The following THADA variants were observed in gnomAD, a reference collection of about 807,000 sequenced individuals.
THADA encodes the protein tRNA (32-2'-O)-methyltransferase regulator THADA.
Under a neutral mutation model 219.8 loss-of-function variants are expected in THADA, and 213 were observed. That is an observed-to-expected ratio of 0.97 (90% CI 0.87 to 1.09). THADA has a LOEUF of 1.09. Ranked by LOEUF, THADA falls within the 50% of genes least tolerant of loss-of-function variation. The pLI is 0.00. For missense variants in THADA, 2,956 were observed against 2,311.3 expected (o/e 1.28, Z -5.72); for synonymous variants, 1,018 against 828.9 (o/e 1.23, Z -3.92).
At chr2:43,290,838 T>C (rs760868525) in intron 34 of THADA, among the ~76,000 whole-genome samples, 3 of 151,966 alleles carry the variant, frequency 2.0e-5, no homozygotes, top group African/African-American at 4.8e-5. Flanking sequence ...CATGTATTTG[T>C]CTTAAGACAT....
At chr2:43,265,107 T>A (rs1241654020) in intron 36 of THADA, among the ~76,000 whole-genome samples, 1 of 152,206 alleles carries the variant, frequency 6.6e-6, no homozygotes, top group Non-Finnish European at 1.5e-5. Context: ...CAGAGTCGAA[T>A]TTAAAATATT....
intron 36 of THADA, among the ~76,000 whole-genome samples, chr2:43,263,629 T>G (rs1304180156): frequency 6.6e-6 from 1 of 152,152 alleles, no homozygotes; most frequent in Non-Finnish European, 1.5e-5. Context: ...CCACATTCCT[T>G]TCTCTTCTAT....
intron 21 of THADA, among the ~76,000 whole-genome samples, chr2:43,531,486 A>C (rs17031000): frequency 6.6e-6 from 1 of 152,154 alleles, no homozygotes; most frequent in Non-Finnish European, 1.5e-5. Flanking sequence ...AAGGAAGAGA[A>C]GAATCCGATT....
At chr2:43,351,625 G>T (rs1414338462) in intron 29 of THADA, among the ~76,000 whole-genome samples, 1 of 152,064 alleles carries the variant, frequency 6.6e-6, no homozygotes, top group Non-Finnish European at 1.5e-5. Flanking sequence ...TCCTTTTCTA[G>T]AGTATAGAGC....
At chr2:43,280,423 G>T (rs530875474) in intron 35 of THADA, among the ~76,000 whole-genome samples, 1 of 152,206 alleles carries the variant, frequency 6.6e-6, no homozygotes, top group South Asian at 2.1e-4. Context: ...CACGAGGTCA[G>T]GAGATTGAGA....
chr2:43,315,471 CTTTTTTTTA>C (rs1256325611), intron 31 of THADA, among the ~76,000 whole-genome samples: 4 of 149,044 alleles, frequency 2.7e-5, no homozygotes, highest in African/African-American at 9.9e-5. Context: ...TCTTTTTTTT[CTTTTTTTTA>C]GAGACAGGAT....
At chr2:43,296,975 G>A (rs6740048) in intron 31 of THADA, among the ~76,000 whole-genome samples, 2 of 133,316 alleles carry the variant, frequency 1.5e-5, no homozygotes, top group South Asian at 2.4e-4. Context: ...TCTGGGAAGT[G>A]AGGAGTGTCT....
At chr2:43,427,160 T>C (rs1292782818) in intron 28 of THADA, among the ~76,000 whole-genome samples, 1 of 152,174 alleles carries the variant, frequency 6.6e-6, no homozygotes, top group Admixed American at 6.5e-5. Context: ...ACCATTTACA[T>C]GCCACCCATT....
At chr2:43,442,735 C>T (rs1453765047) in intron 26 of THADA, among the ~76,000 whole-genome samples, 1 of 152,116 alleles carries the variant, frequency 6.6e-6, no homozygotes, top group East Asian at 1.9e-4. Flanking sequence ...CATGGTGACC[C>T]CATGGACCTT....
At chr2:43,552,389 G>T in intron 17 of THADA, 50 bp from the exon 18 acceptor site, 1 of 1,546,148 alleles carries the variant, frequency 6.5e-7, no homozygotes, top group South Asian at 1.2e-5. Flanking sequence ...TAAAACATTT[G>T]TAAATGTACG....
In THADA at chr2:43,586,393, G is replaced by T; in HGVS notation, c.533+8C>A. The T allele has an allele frequency of 6.3e-7, 1 of 1,579,494 alleles. No homozygotes were observed. The highest frequency in any genetic ancestry group is 1.2e-5 in the South Asian group (1 of 83,820). On this transcript the variant is annotated splice_region_variant and intron_variant, in intron 7 of 37. Transcript: ENST00000405975. ...GTGCACACACAAATGCCAACATATA[G>T]CACTTGCCTATTTTCTTCCAGGATT...
intron 25 of THADA, among the ~76,000 whole-genome samples, chr2:43,497,028 C>G (rs1195690234): frequency 1.3e-5 from 2 of 152,058 alleles, no homozygotes; most frequent in East Asian, 1.9e-4. Context: ...ACTAAAAAGT[C>G]AAGAAACAAC....
chr2:43,563,520 G>A (rs896827942), intron 15 of THADA: 2 of 152,054 alleles, frequency 1.3e-5, no homozygotes, highest in South Asian at 2.1e-4. Context: ...TGTATTACTT[G>A]TTCATTACTA....
chr2:43,402,268 C>T (rs1234511860), intron 28 of THADA, among the ~76,000 whole-genome samples: 1 of 152,142 alleles, frequency 6.6e-6, no homozygotes, highest in East Asian at 1.9e-4. Context: ...CATCACAAAT[C>T]GGTGGTACCC....
At chr2:43,585,573 T>TAGAA (rs1210034243) in intron 7 of THADA, among the ~76,000 whole-genome samples, 22 of 138,442 alleles carry the variant, frequency 1.6e-4, no homozygotes, top group South Asian at 1.3e-3. Context: ...GATAGATAGA[T>TAGAA]AGATAGAAAG....
At chr2:43,264,579 T>C (rs888154580) in intron 36 of THADA, among the ~76,000 whole-genome samples, 3 of 152,160 alleles carry the variant, frequency 2.0e-5, no homozygotes, top group African/African-American at 7.2e-5. Context: ...GCCACCGTGC[T>C]GGGCCAGAAG....
intron 15 of THADA, among the ~76,000 whole-genome samples, chr2:43,560,935 C>T (rs866053463): frequency 6.3e-4 from 94 of 148,988 alleles, no homozygotes; most frequent in South Asian, 6.3e-4. Context: ...CAGAATCGCT[C>T]GAGGCCAGGA....
intron 20 of THADA, among the ~76,000 whole-genome samples, chr2:43,548,178 C>T (rs146866240): frequency 0.21 from 32,502 of 152,060 alleles, 3,623 homozygotes; most frequent in Middle Eastern, 0.27. Flanking sequence ...TGCAGAACAG[C>T]GGATTTTTGT....
At chr2:43,522,249 A>G (rs1692584204) in intron 22 of THADA, among the ~76,000 whole-genome samples, 1 of 152,244 alleles carries the variant, frequency 6.6e-6, no homozygotes, top group African/African-American at 2.4e-5. Flanking sequence ...GATTTGCCCA[A>G]ATGAAATCCT....
Sources: allele counts gnomAD v4.1 joint callset (sites outside exome capture counted in the v4.1 genomes callset), GRCh38; gene constraint gnomAD v4.1.1; transcripts MANE v1.5; gene names NCBI Gene and HGNC (gene_info 2026-07-23, HGNC 2026-07-21).